CPZ: variants seen among roughly 807,000 people sequenced by gnomAD.
CPZ encodes VEZT/CPZ fusion.
CPZ carries 103 observed loss-of-function variants against 61.8 expected under a neutral mutation model. That is an observed-to-expected ratio of 1.67 (90% CI 1.42 to 1.96). The LOEUF (loss-of-function observed/expected upper bound fraction) is 1.96, where lower values mean the gene tolerates loss of function less well. Ranked by LOEUF, CPZ falls within the 30% of genes most tolerant of loss-of-function variation. The pLI, the probability that CPZ is intolerant of heterozygous loss-of-function variation, is 0.00. For missense variants in CPZ, 1,461 were observed against 914.9 expected, an observed-to-expected ratio of 1.60 and a Z score of -7.70; for synonymous variants, 551 against 373.7, an observed-to-expected ratio of 1.47 and a Z score of -5.47.
chr4:8,601,010 G>C lies in CPZ; in HGVS notation c.122-113G>C, dbSNP rs184594682. 1.3e-5 allele frequency: 19 copies of C among 1,432,528 alleles called. No homozygotes were observed. In the Middle Eastern group the frequency reaches 1.0e-3, roughly 77 times the overall value. The allele number at this position is 1,432,528 out of a possible 1,614,324, so 88.7% of individuals were successfully genotyped here. A position where few individuals can be genotyped will look rare whatever the true frequency, so the allele number is the denominator to read the frequency against. On this transcript the variant is annotated intron_variant, in intron 2 of 10. Transcript: ENST00000360986. ...CCTGGTCCTCCCCTGCCAGACCGTG[G>C]GTGCCCCTCCCTGCAGGCCCTGGCC...
At chr4:8,617,782 AG>A (rs749851067) in intron 9 of CPZ, among the ~76,000 whole-genome samples, 30 of 152,274 alleles carry the variant, frequency 2.0e-4, no homozygotes, top group Non-Finnish European at 3.2e-4. Flanking sequence ...TGACTAGAGC[AG>A]GGGCCGTGTG....
In CPZ at chr4:8,612,112, T is replaced by C; in HGVS notation, c.1313T>C (p.Leu438Pro). 1 of 1,609,710 alleles carries C rather than the reference T, an allele frequency of 6.2e-7. No individual in the cohort carries two copies. The highest frequency in any genetic ancestry group is 2.3e-5 in the East Asian group (1 of 44,388). Residue 438 changes from leucine (L) to proline (P), a missense_variant, in exon 8 of 11, where the codon CTG becomes CCG. By Grantham distance (98) the Leu-to-Pro change is moderately conservative. Transcript: ENST00000360986. ...GAGAATAGGTGTGGAGGCAATTTCCTGAAGAGGGGGAGCATCATCAACGGG... is the reference window on the plus strand; with the variant it reads ...GAGAATAGGTGTGGAGGCAATTTCCCGAAGAGGGGGAGCATCATCAACGGG... ...RSENRCGGNF[L>P]KRGSIINGAD...
chr4:8,595,029 C>T (rs1032917666), intron 1 of CPZ, among the ~76,000 whole-genome samples: 10 of 152,230 alleles, frequency 6.6e-5, no homozygotes, highest in Non-Finnish European at 1.3e-4. Flanking sequence ...GCCTTGGCCT[C>T]CCAAAGTGCT....
intron 3 of CPZ, 68 bp from the exon 4 acceptor site, chr4:8,603,908 G>T: frequency 1.4e-6 from 2 of 1,384,220 alleles, no homozygotes; most frequent in South Asian, 1.2e-5. Flanking sequence ...TGTGTGGTCA[G>T]CGTTCCCAGG....
Position 8,592,888 on chromosome 4 carries a change from CGGCCGGGGTGCGA to C in CPZ, c.57_69del (p.Pro20LeufsTer59). ...TACAGTCCTGGTCGTCGCCGCTGCC[CGGCCGGGGTGCGA>C]GTTTGAGCGGAACCCCGCCGGTAAG... On this transcript the variant is annotated frameshift_variant, in exon 1 of 11. Coordinates refer to ENST00000360986, the MANE Select transcript of CPZ (RefSeq NM_001014447.3). LOFTEE classifies it high-confidence loss of function. 6.5e-7 allele frequency: 1 copy of C among 1,534,572 alleles called. No individual in the cohort carries two copies. The highest frequency in any genetic ancestry group is 1.2e-5 in the South Asian group (1 of 83,588).
chr4:8,596,603 T>A (rs187499369), intron 1 of CPZ, among the ~76,000 whole-genome samples: 122 of 152,364 alleles, frequency 8.0e-4, no homozygotes, highest in African/African-American at 2.7e-3. Flanking sequence ...CACCTCACCC[T>A]CCTGTTGTAT....
rs765879014 is a variant in CPZ at position 8,619,532 on chromosome 4, C to A, written c.1874C>A (p.Pro625His). 5 of 1,582,044 alleles carry A rather than the reference C, an allele frequency of 3.2e-6. No individual in the cohort carries two copies. The South Asian group carries it at 5.8e-5, about 18-fold the overall frequency. ...EPDPLRARRQ[P>H]SADGSKPWWW... is the part of the protein sequence containing the mutation. ...GACCCGCTCCGGGCGCGCAGGCAGCCCTCGGCCGACGGGAGTAAGCCCTGG... is the reference window on the plus strand; with the variant it reads ...GACCCGCTCCGGGCGCGCAGGCAGCACTCGGCCGACGGGAGTAAGCCCTGG... Residue 625 changes from proline to histidine, a missense_variant, in exon 11 of 11, where the codon CCC becomes CAC. Coordinates refer to ENST00000360986, the MANE Select transcript of CPZ (RefSeq NM_001014447.3).
chr4:8,610,899 A>G (rs1017098857), intron 7 of CPZ, among the ~76,000 whole-genome samples: 5 of 152,000 alleles, frequency 3.3e-5, no homozygotes, highest in African/African-American at 4.8e-5. Flanking sequence ...CCAACCCCAA[A>G]CCTCACGTCT....
intron 5 of CPZ, 113 bp downstream of exon 5, chr4:8,606,298 G>A: frequency 9.1e-7 from 1 of 1,095,594 alleles, no homozygotes; most frequent in Non-Finnish European, 1.3e-6. Flanking sequence ...TCTAGGAGAG[G>A]AGCATTCAGC....
At chr4:8,611,612 T>C (rs978956812) in intron 7 of CPZ, among the ~76,000 whole-genome samples, 16 of 152,120 alleles carry the variant, frequency 1.1e-4, no homozygotes, top group African/African-American at 3.6e-4. Flanking sequence ...GCTTTGGAGA[T>C]GAAGTCGGGG....
At chr4:8,607,117 G>A in intron 6 of CPZ, 150 bp from the exon 7 acceptor site, 1 of 1,093,298 alleles carries the variant, frequency 9.1e-7, no homozygotes, top group African/African-American at 1.6e-5. Flanking sequence ...CAGGGGCCCA[G>A]TGATGGGGGC....
intron 9 of CPZ, chr4:8,617,965 G>A (rs576690076): frequency 5.8e-4 from 109 of 188,536 alleles, no homozygotes; most frequent in African/African-American, 2.2e-3. Context: ...TGTTATACAC[G>A]TGTACGATGA....
At chr4:8,610,832 G>A (rs1236723236) in intron 7 of CPZ, among the ~76,000 whole-genome samples, 1 of 152,132 alleles carries the variant, frequency 6.6e-6, no homozygotes, top group Non-Finnish European at 1.5e-5. Context: ...GTTTGTGTCT[G>A]TGGGACTGAG....
intron 1 of CPZ, among the ~76,000 whole-genome samples, 185 bp from the exon 2 acceptor site, chr4:8,599,268 T>C (rs1159597071): frequency 6.6e-6 from 1 of 152,240 alleles, no homozygotes; most frequent in Admixed American, 6.5e-5. Flanking sequence ...GCAGCTTTCA[T>C]GCCTGGGAAA....
intron 8 of CPZ, among the ~76,000 whole-genome samples, chr4:8,612,478 G>A (rs975084278): frequency 6.6e-6 from 1 of 152,196 alleles, no homozygotes; most frequent in Non-Finnish European, 1.5e-5. Flanking sequence ...CAGATGAAAT[G>A]CTGGACTTCC....
intron 1 of CPZ, among the ~76,000 whole-genome samples, chr4:8,598,065 C>T (rs966126749): frequency 7.2e-5 from 11 of 152,198 alleles, no homozygotes; most frequent in South Asian, 2.1e-4. Flanking sequence ...TCCCCAGGGC[C>T]GCCCGCACAC....
chr4:8,612,269 G>A lies in CPZ; in HGVS notation c.1363+107G>A, dbSNP rs28539459. On this transcript the variant is annotated intron_variant, in intron 8 of 10. Transcript: ENST00000360986. ...GGTCTGCTGCTGGGATCCAGCTGGA[G>A]AGCCCGGAAGACAGGGCGATGCCTC... 0.016 allele frequency: 16,211 copies of A among 983,060 alleles called. 1,951 individuals carry two copies. The African/African-American group carries it at 0.25, about 15-fold the overall frequency. The allele number at this position is 983,060 out of a possible 1,614,324, so 60.9% of individuals were successfully genotyped here.
chr4:8,611,720 G>C (rs1288291767), intron 7 of CPZ, among the ~76,000 whole-genome samples: 1 of 152,040 alleles, frequency 6.6e-6, no homozygotes, highest in African/African-American at 2.4e-5. Flanking sequence ...ATGTCTGTGT[G>C]TAACCTCAGG....
intron 1 of CPZ, among the ~76,000 whole-genome samples, chr4:8,595,889 A>G (rs1250986945): frequency 1.3e-5 from 2 of 152,160 alleles, no homozygotes; most frequent in African/African-American, 4.8e-5. Context: ...TTCACACATG[A>G]CAACAGAGGC....
Sources: allele counts gnomAD v4.1 joint callset (sites outside exome capture counted in the v4.1 genomes callset), GRCh38; gene constraint gnomAD v4.1.1; transcripts MANE v1.5; gene names NCBI Gene and HGNC (gene_info 2026-07-23, HGNC 2026-07-21).